CAMKMT: variants seen among roughly 807,000 people sequenced by gnomAD.
CAMKMT encodes the protein CaM KMT.
In CAMKMT, 53 loss-of-function variants were observed where a neutral mutation model predicts 48.0. The ratio of observed to expected loss-of-function variants is 1.10; its 90% CI spans 0.89 to 1.39. CAMKMT has a LOEUF of 1.39. CAMKMT is among the 40% of genes most tolerant of loss of function. The probability of loss-of-function intolerance (pLI) is 0.00; values close to 1 mark genes in which losing one functional copy is unlikely to be tolerated. For missense variants in CAMKMT, 428 were observed against 402.7 expected (o/e 1.06, Z -0.54); for synonymous variants, 165 against 152.3 (o/e 1.08, Z -0.61).
At chr2:44,452,412 C>G (rs1667340539) in intron 3 of CAMKMT, among the ~76,000 whole-genome samples, 1 of 151,936 alleles carries the variant, frequency 6.6e-6, no homozygotes, top group African/African-American at 2.4e-5. Context: ...TTCTTACTGT[C>G]TTCATTCAAC....
intron 2 of CAMKMT, among the ~76,000 whole-genome samples, chr2:44,382,716 T>TCTC (rs1443863867): frequency 1.3e-5 from 2 of 152,034 alleles, no homozygotes; most frequent in Admixed American, 6.6e-5. Flanking sequence ...CCTGACCTGG[T>TCTC]GATCCACCCG....
At chr2:44,503,613 T>C (rs921565244) in intron 3 of CAMKMT, among the ~76,000 whole-genome samples, 1 of 151,810 alleles carries the variant, frequency 6.6e-6, no homozygotes, top group African/African-American at 2.4e-5. Context: ...CCAGAGATGA[T>C]ACATGCAGCA....
intron 3 of CAMKMT, among the ~76,000 whole-genome samples, chr2:44,703,307 A>G (rs1046761775): frequency 2.0e-5 from 3 of 152,212 alleles, no homozygotes; most frequent in Non-Finnish European, 4.4e-5. Flanking sequence ...TAAGCAATTC[A>G]TATCCATTCA....
intron 3 of CAMKMT, among the ~76,000 whole-genome samples, chr2:44,595,785 C>A (rs563115877): frequency 1.3e-5 from 2 of 152,158 alleles, no homozygotes; most frequent in Non-Finnish European, 2.9e-5. Context: ...ACATATACAC[C>A]ATGGAATAGT....
At position 44,653,957 on chromosome 2, in the gene CAMKMT, G is replaced by A. The variant is rs1674223721; in HGVS notation, c.377-50326G>A. On this transcript the variant is annotated intron_variant, in intron 3 of 10. Coordinates refer to ENST00000378494, the MANE Select transcript of CAMKMT (RefSeq NM_024766.5). This position sits in a 1 kb window ranked among gnomAD's most constrained non-coding sequence, Gnocchi z 5.2. ...ATAATCAAACCCATTTATGAAAATT[G>A]TTAGAGTCTTTCTTTGAATTAAAAT... is the stretch of plus-strand genomic sequence containing the variant. Among the ~76,000 whole-genome samples, 1 of 152,152 alleles carries A rather than the reference G, an allele frequency of 6.6e-6. No homozygotes were observed.
chr2:44,764,440 G>A (rs1380599791), intron 9 of CAMKMT, among the ~76,000 whole-genome samples: 1 of 152,066 alleles, frequency 6.6e-6, no homozygotes, highest in Non-Finnish European at 1.5e-5. Context: ...TTTGTCGGGG[G>A]GAAAAAGGCA....
At chr2:44,681,468 G>A (rs1676016515) in intron 3 of CAMKMT, among the ~76,000 whole-genome samples, 1 of 151,678 alleles carries the variant, frequency 6.6e-6, no homozygotes. Flanking sequence ...AGTGTGATTC[G>A]GCAACCAAAT....
chr2:44,580,367 T>A (rs2103771954), intron 3 of CAMKMT, among the ~76,000 whole-genome samples: 1 of 151,996 alleles, frequency 6.6e-6, no homozygotes, highest in East Asian at 1.9e-4. Flanking sequence ...AAATTATGAG[T>A]ACAGAGAAAA....
intron 3 of CAMKMT, among the ~76,000 whole-genome samples, chr2:44,394,511 T>C (rs1264880859): frequency 6.6e-6 from 1 of 151,944 alleles, no homozygotes; most frequent in Non-Finnish European, 1.5e-5. Context: ...CACTGCAACC[T>C]CTGCCTCCCA....
chr2:44,590,087 A>G (rs1670169900), intron 3 of CAMKMT, among the ~76,000 whole-genome samples: 1 of 151,246 alleles, frequency 6.6e-6, no homozygotes, highest in East Asian at 1.9e-4. Flanking sequence ...GTCTGCTAAT[A>G]TTGACATTCC....
chr2:44,539,271 C>A (rs1462899677), intron 3 of CAMKMT, among the ~76,000 whole-genome samples: 4 of 126,804 alleles, frequency 3.2e-5, no homozygotes, highest in Non-Finnish European at 4.9e-5. Flanking sequence ...TGCCACTGTA[C>A]TCCAGAAGTC....
At chr2:44,466,255 C>T (rs1197943016) in intron 3 of CAMKMT, among the ~76,000 whole-genome samples, 1 of 152,122 alleles carries the variant, frequency 6.6e-6, no homozygotes, top group Non-Finnish European at 1.5e-5. Context: ...AGAACGTTTT[C>T]CAGTATAAAT....
At chr2:44,690,332 A>G (rs1294444302) in intron 3 of CAMKMT, among the ~76,000 whole-genome samples, 1 of 152,154 alleles carries the variant, frequency 6.6e-6, no homozygotes, top group Non-Finnish European at 1.5e-5. Flanking sequence ...TTTATTCTTG[A>G]AGTGAGAGCC....
intron 8 of CAMKMT, among the ~76,000 whole-genome samples, chr2:44,746,012 A>G (rs1679902287): frequency 6.6e-6 from 1 of 152,170 alleles, no homozygotes; most frequent in Non-Finnish European, 1.5e-5. Flanking sequence ...CTGGGGAGGA[A>G]AAGAAAGCTC....
At chr2:44,527,561 A>C (rs561832220) in intron 3 of CAMKMT, among the ~76,000 whole-genome samples, 1 of 150,968 alleles carries the variant, frequency 6.6e-6, no homozygotes, top group Non-Finnish European at 1.5e-5. Flanking sequence ...TTTAATGTCA[A>C]ATCTTTAATA....
chr2:44,405,923 A>G (rs1682746506), intron 3 of CAMKMT, among the ~76,000 whole-genome samples: 2 of 152,322 alleles, frequency 1.3e-5, no homozygotes, highest in East Asian at 1.9e-4. Context: ...TTAATTCAGT[A>G]TTCTCCTAAA....
chr2:44,541,033 G>A (rs1667079425), intron 3 of CAMKMT, among the ~76,000 whole-genome samples: 1 of 152,090 alleles, frequency 6.6e-6, no homozygotes, highest in Admixed American at 6.5e-5. Context: ...ATGTACATGG[G>A]TATATTTCTG....
intron 2 of CAMKMT, among the ~76,000 whole-genome samples, chr2:44,382,346 A>G (rs1265894650): frequency 6.6e-6 from 1 of 152,140 alleles, no homozygotes; most frequent in African/African-American, 2.4e-5. Context: ...ATAGGCCCAG[A>G]GAAGACAAAG....
At chr2:44,760,218 G>C (rs190653539) in intron 9 of CAMKMT, among the ~76,000 whole-genome samples, 2 of 152,146 alleles carry the variant, frequency 1.3e-5, no homozygotes, top group African/African-American at 4.8e-5. Flanking sequence ...TTCCCTAGAG[G>C]CAGTGGTGTC....
Sources: allele counts gnomAD v4.1 joint callset (sites outside exome capture counted in the v4.1 genomes callset), GRCh38; gene constraint gnomAD v4.1.1; non-coding constraint Gnocchi (gnomAD v3.1); transcripts MANE v1.5; gene names NCBI Gene and HGNC (gene_info 2026-07-23, HGNC 2026-07-21).